SMAP1: variants seen among roughly 807,000 people sequenced by gnomAD.
SMAP1 encodes the protein stromal membrane-associated protein 1.
A neutral mutation model predicts 58.5 loss-of-function variants in SMAP1; 24 were observed. The ratio of observed to expected loss-of-function variants is 0.41; its 90% CI spans 0.30 to 0.58. The LOEUF is 0.58. Among genes scored for constraint, SMAP1 ranks in the 20% least tolerant of loss-of-function variants. The pLI is 0.29. For synonymous variants in SMAP1, 216 were observed against 196.6 expected, an observed-to-expected ratio of 1.10 and a Z score of -0.82; for missense variants, 563 against 566.3, an observed-to-expected ratio of 0.99 and a Z score of 0.06.
intron 3 of SMAP1, among the ~76,000 whole-genome samples, chr6:70,768,510 T>G (rs1188407980): frequency 6.6e-6 from 1 of 152,250 alleles, no homozygotes; most frequent in African/African-American, 2.4e-5. Flanking sequence ...TTTATCCATT[T>G]CTTCTAGATT....
rs147431185 is a variant in SMAP1 at position 70,679,835 on chromosome 6, T to A, written c.118+11694T>A. On this transcript the variant is annotated intron_variant, in intron 1 of 10. Transcript: ENST00000370455. Reference sequence around the variant, plus strand: ...AAATTAGTCTCTAAATTCAACATTATTCCAGTCAGAATCCCAGAAGGCTTT... The same window carrying A: ...AAATTAGTCTCTAAATTCAACATTAATCCAGTCAGAATCCCAGAAGGCTTT... 4.6e-3 allele frequency among the ~76,000 whole-genome samples: 704 copies of A among 152,282 alleles called. 3 individuals are homozygous for A. The highest frequency in any genetic ancestry group is 6.1e-3 in the Non-Finnish European group (413 of 68,022).
At chr6:70,827,083 G>C (rs1770162548) in intron 6 of SMAP1, among the ~76,000 whole-genome samples, 1 of 151,966 alleles carries the variant, frequency 6.6e-6, no homozygotes. Flanking sequence ...CAGATAGTAA[G>C]GTAGATTATG....
chr6:70,722,942 G>A (rs988131645), intron 1 of SMAP1, among the ~76,000 whole-genome samples: 1 of 152,184 alleles, frequency 6.6e-6, no homozygotes, highest in African/African-American at 2.4e-5. Flanking sequence ...GCCAGCTTTG[G>A]GGCCAGTTTA....
chr6:70,772,534 A>T (rs983148971), intron 3 of SMAP1, among the ~76,000 whole-genome samples: 12 of 152,166 alleles, frequency 7.9e-5, no homozygotes, highest in African/African-American at 2.7e-4. Flanking sequence ...CATGTCACTA[A>T]AGAGGTTAAG....
intron 1 of SMAP1, among the ~76,000 whole-genome samples, chr6:70,688,381 AC>A (rs1767018877): frequency 6.6e-6 from 1 of 152,156 alleles, no homozygotes; most frequent in Non-Finnish European, 1.5e-5. Flanking sequence ...AAAGTGCCAA[AC>A]TTTTCAAAAG....
intron 5 of SMAP1, among the ~76,000 whole-genome samples, chr6:70,794,838 G>A (rs1768532243): frequency 6.8e-6 from 1 of 147,530 alleles, no homozygotes; most frequent in African/African-American, 2.5e-5. Flanking sequence ...GCCCAGGTTG[G>A]AGTGCAGTGG....
chr6:70,739,390 T>C lies in SMAP1; in HGVS notation c.252+6879T>C, dbSNP rs139534338. ...TGAGGCTAATAGAGATTTAAAATGA[T>C]ATAACTGGCTCACTTTATCTTTTGT... On this transcript the variant is annotated intron_variant, in intron 2 of 10. Transcript: ENST00000370455. Among the ~76,000 whole-genome samples the C allele has an allele frequency of 2.0e-3, 309 of 152,296 alleles. 1 individual carries two copies. The highest frequency in any genetic ancestry group is 6.1e-3 in the African/African-American group (253 of 41,586).
intron 4 of SMAP1, among the ~76,000 whole-genome samples, chr6:70,784,358 G>C (rs1207212776): frequency 6.6e-6 from 1 of 152,136 alleles, no homozygotes; most frequent in African/African-American, 2.4e-5. Context: ...ATGCCAAATT[G>C]TAAAGACCTT....
intron 6 of SMAP1, among the ~76,000 whole-genome samples, chr6:70,805,968 C>T (rs538073297): frequency 9.2e-5 from 14 of 152,304 alleles, no homozygotes; most frequent in South Asian, 4.1e-4. Flanking sequence ...GGGTCAGGGA[C>T]CCACTTGAGG....
At chr6:70,749,197 G>A (rs907096712) in intron 2 of SMAP1, among the ~76,000 whole-genome samples, 4 of 152,088 alleles carry the variant, frequency 2.6e-5, no homozygotes, top group African/African-American at 9.7e-5. Context: ...AGCGTGCAGG[G>A]GAAACTGCCA....
intron 6 of SMAP1, among the ~76,000 whole-genome samples, chr6:70,809,464 C>G (rs1769293983): frequency 6.6e-6 from 1 of 152,116 alleles, no homozygotes; most frequent in Non-Finnish European, 1.5e-5. Context: ...CTTGAAATTT[C>G]AATATAACCA....
chr6:70,709,033 G>C (rs1457161627), intron 1 of SMAP1, among the ~76,000 whole-genome samples: 2 of 152,130 alleles, frequency 1.3e-5, no homozygotes, highest in East Asian at 1.9e-4. Context: ...TAGAAAATCA[G>C]TCCAGACCAG....
intron 5 of SMAP1, among the ~76,000 whole-genome samples, chr6:70,798,175 T>C (rs1315008951): frequency 6.6e-6 from 1 of 152,022 alleles, no homozygotes; most frequent in African/African-American, 2.4e-5. Flanking sequence ...TGAAGATATT[T>C]TGTGATAAAA....
intron 2 of SMAP1, among the ~76,000 whole-genome samples, chr6:70,740,759 G>A (rs1227359795): frequency 6.6e-6 from 1 of 152,134 alleles, no homozygotes; most frequent in African/African-American, 2.4e-5. Flanking sequence ...GTATTAGTGT[G>A]TTTTCACACT....
intron 1 of SMAP1, among the ~76,000 whole-genome samples, chr6:70,707,868 A>T (rs1007690890): frequency 6.6e-6 from 1 of 152,214 alleles, no homozygotes; most frequent in South Asian, 2.1e-4. Context: ...GCTGTACAGC[A>T]TGACATTTTG....
chr6:70,670,013 T>C (rs998249280), intron 1 of SMAP1, among the ~76,000 whole-genome samples: 1 of 152,116 alleles, frequency 6.6e-6, no homozygotes, highest in Non-Finnish European at 1.5e-5. Context: ...ACTTCTTAAA[T>C]TAGGATCAAA....
intron 1 of SMAP1, among the ~76,000 whole-genome samples, chr6:70,719,229 A>G (rs1233021430): frequency 1.3e-5 from 2 of 152,216 alleles, no homozygotes; most frequent in African/African-American, 4.8e-5. Context: ...AGTTACCTGA[A>G]TGTAGTAGAT....
At chr6:70,683,855 A>G (rs986442562) in intron 1 of SMAP1, among the ~76,000 whole-genome samples, 1 of 152,238 alleles carries the variant, frequency 6.6e-6, no homozygotes, top group African/African-American at 2.4e-5. Context: ...AAGCAATGGA[A>G]CAGTGAGAGA....
intron 1 of SMAP1, among the ~76,000 whole-genome samples, chr6:70,720,263 G>T (rs762538104): frequency 8.5e-5 from 13 of 152,172 alleles, no homozygotes; most frequent in Non-Finnish European, 1.8e-4. Flanking sequence ...CCTCCAAAAT[G>T]ATCTCCATGA....
Sources: gnomAD v4.1 joint callset for allele counts (sites outside exome capture counted in the v4.1 genomes callset) on GRCh38, gnomAD v4.1.1 for gene constraint, MANE v1.5 for transcripts, NCBI Gene and HGNC (gene_info 2026-07-23, HGNC 2026-07-21) for gene names.